Variants in FNDC3A observed in about 807,000 individuals in gnomAD.
FNDC3A encodes fibronectin type-III domain-containing protein 3A.
In FNDC3A, 32 loss-of-function variants were observed where a neutral mutation model predicts 148.9. The ratio of observed to expected loss-of-function variants is 0.21; its 90% CI spans 0.16 to 0.29. The LOEUF (loss-of-function observed/expected upper bound fraction) is 0.29. FNDC3A is among the 10% of genes least tolerant of loss of function. The pLI, the probability that FNDC3A is intolerant of heterozygous loss-of-function variation, is 1.00. For synonymous variants in FNDC3A, 472 were observed against 473.6 expected (o/e 1.00, Z 0.04); for missense variants, 1,191 against 1,452.8 (o/e 0.82, Z 2.93).
At chr13:49,054,943 A>G (rs1383861151) in intron 2 of FNDC3A, among the ~76,000 whole-genome samples, 2 of 151,794 alleles carry the variant, frequency 1.3e-5, no homozygotes, top group Admixed American at 1.3e-4. Flanking sequence ...GGGTCTTTTA[A>G]TGCTAAACTC....
chr13:49,200,898 A>G (rs962911795), intron 23 of FNDC3A, among the ~76,000 whole-genome samples: 1 of 151,832 alleles, frequency 6.6e-6, no homozygotes, highest in Admixed American at 6.6e-5. Context: ...TCCCTGATCC[A>G]GATTTTGTCA....
chr13:49,050,049 T>TA (rs1329142870), intron 2 of FNDC3A, among the ~76,000 whole-genome samples: 1 of 152,216 alleles, frequency 6.6e-6, no homozygotes, highest in African/African-American at 2.4e-5. Context: ...TTAATCTCAC[T>TA]AATGGTCTAT....
At chr13:49,203,914 T>A (rs1398926391) in intron 25 of FNDC3A, among the ~76,000 whole-genome samples, 1 of 152,164 alleles carries the variant, frequency 6.6e-6, no homozygotes, top group Non-Finnish European at 1.5e-5. Context: ...ACGTAAGGCA[T>A]AATAGGCCAT....
intron 3 of FNDC3A, among the ~76,000 whole-genome samples, chr13:49,105,933 C>T (rs769630756): frequency 2.6e-5 from 4 of 152,142 alleles, no homozygotes; most frequent in Non-Finnish European, 5.9e-5. Context: ...AGCAATGGCT[C>T]TTATTTTACT....
chr13:49,032,743 A>G (rs1156852479), intron 2 of FNDC3A, among the ~76,000 whole-genome samples: 1 of 152,200 alleles, frequency 6.6e-6, no homozygotes, highest in African/African-American at 2.4e-5. Flanking sequence ...CTCAAAAAAA[A>G]AAAAGTCTAT....
chr13:49,142,322 G>A (rs543982941), intron 7 of FNDC3A, among the ~76,000 whole-genome samples: 32 of 152,128 alleles, frequency 2.1e-4, no homozygotes, highest in Admixed American at 1.2e-3. Context: ...GATCTCTTTC[G>A]TTTCTGTTTC....
intron 25 of FNDC3A, among the ~76,000 whole-genome samples, chr13:49,206,677 T>C (rs538830967): frequency 1.3e-5 from 2 of 152,314 alleles, no homozygotes; most frequent in Admixed American, 1.3e-4. Context: ...ATATGGAAAT[T>C]TATCAGTTAT....
rs1269294403 is a variant in FNDC3A at position 49,172,108 on chromosome 13, G to T, written c.1230+12G>T. The T allele has an allele frequency of 1.9e-6, 3 of 1,547,870 alleles. No homozygotes were observed. Among genetic ancestry groups the T allele is most frequent in the South Asian group, 1.1e-5 (1 of 87,902 alleles). On this transcript the variant is annotated intron_variant, in intron 11 of 25. Coordinates refer to ENST00000492622, the MANE Select transcript of FNDC3A (RefSeq NM_001079673.2). ...TAGAATGGGATGAAGTAAGTAAATT[G>T]AATCTTTTTAAATGGTTAACATTAT...
chr13:49,102,158 C>G (rs2137841045), intron 3 of FNDC3A, among the ~76,000 whole-genome samples: 1 of 151,578 alleles, frequency 6.6e-6, no homozygotes, highest in Middle Eastern at 3.4e-3. Flanking sequence ...TTTTTTTAAG[C>G]TTACTCTTTA....
At chr13:49,068,806 G>GA (rs1326279268) in intron 2 of FNDC3A, among the ~76,000 whole-genome samples, 1 of 152,122 alleles carries the variant, frequency 6.6e-6, no homozygotes, top group Non-Finnish European at 1.5e-5. Flanking sequence ...CGCAGGAACA[G>GA]AAAACAAATA....
rs575833313 is a variant in FNDC3A, at chr13:49,126,262, T to G, written c.253-4875T>G. Among the ~76,000 whole-genome samples the G allele has an allele frequency of 1.2e-3, 177 of 148,106 alleles. 1 individual carries two copies. Among genetic ancestry groups the G allele is most frequent in the African/African-American group, 2.8e-3 (111 of 40,174 alleles). ...TCTGTCTACATCTTAGGTTTGGGGGTTTTTTTTGTTTGTTTTTTTAATTGT... is the reference window on the plus strand; with the variant it reads ...TCTGTCTACATCTTAGGTTTGGGGGGTTTTTTTGTTTGTTTTTTTAATTGT... On this transcript the variant is annotated intron_variant, in intron 4 of 25. Coordinates refer to ENST00000492622, the MANE Select transcript of FNDC3A (RefSeq NM_001079673.2).
chr13:49,090,152 C>T (rs1879090086), intron 3 of FNDC3A, among the ~76,000 whole-genome samples: 1 of 152,114 alleles, frequency 6.6e-6, no homozygotes, highest in Admixed American at 6.5e-5. Flanking sequence ...GCCAGACGCG[C>T]TGGCTCACAC....
intron 1 of FNDC3A, among the ~76,000 whole-genome samples, chr13:48,981,809 A>G (rs1189293184): frequency 7.5e-6 from 1 of 132,846 alleles, no homozygotes; most frequent in Non-Finnish European, 1.6e-5. Context: ...TGTGTATGTT[A>G]ATCAGCCTCT....
At position 49,091,172 on chromosome 13, in the gene FNDC3A, G is replaced by A. The variant is rs1054984346; in HGVS notation, c.175+15808G>A. On this transcript the variant is annotated intron_variant, in intron 3 of 25. Coordinates refer to ENST00000492622, the MANE Select transcript of FNDC3A (RefSeq NM_001079673.2). ...CAACTCTGGGGAAAGAGAAGAAACT[G>A]ATTTCCAGAGTTTCTACATGATTAG... Among the ~76,000 whole-genome samples, 5 of 151,900 alleles carry A rather than the reference G, an allele frequency of 3.3e-5. No homozygotes were observed. The East Asian group carries it at 9.6e-4, about 29-fold the overall frequency.
At chr13:48,993,594 T>G (rs564689137) in intron 1 of FNDC3A, among the ~76,000 whole-genome samples, 30 of 152,306 alleles carry the variant, frequency 2.0e-4, no homozygotes, top group African/African-American at 7.0e-4. Flanking sequence ...TACATGAACT[T>G]TTTTTTAAGG....
At chr13:49,137,087 A>G (rs1051349598) in intron 6 of FNDC3A, among the ~76,000 whole-genome samples, 1 of 151,846 alleles carries the variant, frequency 6.6e-6, no homozygotes, top group African/African-American at 2.4e-5. Flanking sequence ...TTGGCCTCTC[A>G]AAGTGCTGCA....
chr13:49,060,176 C>T (rs573504718), intron 2 of FNDC3A, among the ~76,000 whole-genome samples: 1 of 152,070 alleles, frequency 6.6e-6, no homozygotes, highest in Admixed American at 6.5e-5. Flanking sequence ...TCCAAAGGAA[C>T]GTGTATATCC....
At chr13:49,013,839 T>C (rs1263458662) in intron 2 of FNDC3A, among the ~76,000 whole-genome samples, 1 of 150,052 alleles carries the variant, frequency 6.7e-6, no homozygotes, top group East Asian at 2.0e-4. Context: ...TGAGTGAGAA[T>C]ATGTGGTGTT....
chr13:49,193,918 C>CA (rs1234995860), intron 19 of FNDC3A, among the ~76,000 whole-genome samples: 52 of 128,552 alleles, frequency 4.0e-4, no homozygotes, highest in East Asian at 1.8e-3. Flanking sequence ...GACTCTGTCT[C>CA]AAAAAAAAAA....
Sources: allele counts gnomAD v4.1 joint callset (sites outside exome capture counted in the v4.1 genomes callset), GRCh38; gene constraint gnomAD v4.1.1; transcripts MANE v1.5; gene names NCBI Gene and HGNC (gene_info 2026-07-23, HGNC 2026-07-21).